RFX7: variants seen among roughly 807,000 people sequenced by gnomAD.
The protein encoded by RFX7 is DNA-binding protein RFX7.
A neutral mutation model predicts 111.8 loss-of-function variants in RFX7; 26 were observed. The ratio of observed to expected loss-of-function variants is 0.23; its 90% CI spans 0.17 to 0.32. RFX7 has a LOEUF of 0.32. Ranked by LOEUF, RFX7 falls within the 10% of genes least tolerant of loss-of-function variation. The probability of loss-of-function intolerance (pLI) is 1.00; values close to 1 mark genes in which losing one functional copy is unlikely to be tolerated. For missense variants in RFX7, 1,573 were observed against 1,772.9 expected (o/e 0.89, Z 2.02); for synonymous variants, 624 against 624.4 (o/e 1.00, Z 0.01).
chr15:56,110,139 T>A (rs1217095850), intron 5 of RFX7, among the ~76,000 whole-genome samples: 1 of 111,620 alleles, frequency 9.0e-6, no homozygotes, highest in Non-Finnish European at 1.8e-5. Context: ...GGGAGGGAGG[T>A]GGGGGGGTCA....
At chr15:56,179,758 C>T (rs1790576777) in intron 2 of RFX7, among the ~76,000 whole-genome samples, 1 of 126,836 alleles carries the variant, frequency 7.9e-6, no homozygotes, top group Non-Finnish European at 1.6e-5. Context: ...CTCTCTCTGT[C>T]TCAACACACA....
intron 2 of RFX7, among the ~76,000 whole-genome samples, chr15:56,180,734 CA>C (rs1286452286): frequency 1.5e-5 from 2 of 134,438 alleles, no homozygotes; most frequent in African/African-American, 2.9e-5. Flanking sequence ...GGTAAAACCC[CA>C]TATCTACTAA....
At chr15:56,205,030 T>C (rs2043236298) in intron 2 of RFX7, among the ~76,000 whole-genome samples, 1 of 152,154 alleles carries the variant, frequency 6.6e-6, no homozygotes, top group Admixed American at 6.5e-5. Context: ...AAGAAGAGTA[T>C]TTTCCCCTAA....
At position 56,153,854 on chromosome 15, in the gene RFX7, C is replaced by G. The variant is rs527743048; in HGVS notation, c.196-9371G>C. Reference sequence around the variant, plus strand: ...ATAGGAAGAGAGGAAGTCAAATTGTCTCTGTTTGCAGATGACATGATTGTA... The same window carrying G: ...ATAGGAAGAGAGGAAGTCAAATTGTGTCTGTTTGCAGATGACATGATTGTA... On this transcript the variant is annotated intron_variant, in intron 3 of 9. Transcript: ENST00000559447. 9.8e-5 allele frequency among the ~76,000 whole-genome samples: 15 copies of G among 152,296 alleles called. 1 individual carries two copies. The highest frequency in any genetic ancestry group is 3.4e-4 in the African/African-American group (14 of 41,552).
chr15:56,225,360 T>C (rs2043470954), intron 2 of RFX7, among the ~76,000 whole-genome samples: 1 of 152,182 alleles, frequency 6.6e-6, no homozygotes, highest in Non-Finnish European at 1.5e-5. Context: ...TTACAGTCCC[T>C]CATGGGTCAT....
chr15:56,232,202 G>A (rs1234350248), intron 2 of RFX7, among the ~76,000 whole-genome samples: 1 of 152,158 alleles, frequency 6.6e-6, no homozygotes, highest in Admixed American at 6.5e-5. Flanking sequence ...CTCTGTGTAG[G>A]GGCTTCAACC....
chr15:56,125,610 A>AGTGT (rs10564650), intron 5 of RFX7, among the ~76,000 whole-genome samples: 15,350 of 146,926 alleles, frequency 0.1, 973 homozygotes, highest in Middle Eastern at 0.21. Flanking sequence ...TGTGTGTGTG[A>AGTGT]GTGTGTGTGT....
chr15:56,223,781 A>G (rs548376906), intron 2 of RFX7, among the ~76,000 whole-genome samples: 1 of 152,272 alleles, frequency 6.6e-6, no homozygotes, highest in South Asian at 2.1e-4. Flanking sequence ...ACCTCAGTTT[A>G]CTTTATACTT....
At chr15:56,144,906 T>C (rs982226890) in intron 3 of RFX7, among the ~76,000 whole-genome samples, 2 of 152,202 alleles carry the variant, frequency 1.3e-5, no homozygotes, top group African/African-American at 4.8e-5. Context: ...TGTAGAACTA[T>C]AAAATGAATG....
At chr15:56,115,942 CAAAA>C (rs35440094) in intron 5 of RFX7, among the ~76,000 whole-genome samples, 1 of 99,982 alleles carries the variant, frequency 1.0e-5, no homozygotes, top group Non-Finnish European at 2.1e-5. Context: ...GACTCCGTCT[CAAAA>C]AAAAAAAAAA....
At position 56,087,491 on chromosome 15, in the gene RFX7, G is replaced by C; in HGVS notation, c.*5854C>G. On this transcript the variant is annotated 3_prime_UTR_variant, in exon 10 of 10. Transcript: ENST00000559447. Reference sequence around the variant, plus strand: ...CATCACATTTGCATTCCAGCCAGCAGAGAGGAAGGACAAGAACACTGCAAA... The same window carrying C: ...CATCACATTTGCATTCCAGCCAGCACAGAGGAAGGACAAGAACACTGCAAA... 2.2e-6 allele frequency: 1 copy of C among 456,692 alleles called. No individual in the cohort carries two copies. The highest frequency in any genetic ancestry group is 4.4e-6 in the Non-Finnish European group (1 of 226,960). 28.3% of individuals were successfully genotyped at this position (456,692 alleles called of 1,614,324 possible).
At chr15:56,200,379 T>C (rs2043182849) in intron 2 of RFX7, among the ~76,000 whole-genome samples, 1 of 152,140 alleles carries the variant, frequency 6.6e-6, no homozygotes, top group South Asian at 2.1e-4. Context: ...TTTTATAACA[T>C]ATAAAACATT....
intron 2 of RFX7, among the ~76,000 whole-genome samples, chr15:56,213,947 T>G (rs1290305951): frequency 6.6e-6 from 1 of 152,206 alleles, no homozygotes; most frequent in Non-Finnish European, 1.5e-5. Flanking sequence ...AGGGGTAAAC[T>G]TGGATCCATT....
chr15:56,101,476 T>C lies in RFX7; in HGVS notation c.694A>G (p.Lys232Glu). 6.2e-7 allele frequency: 1 copy of C among 1,613,762 alleles called. No homozygotes were observed. ...ACRLVCEWAQ[K>E]VLSQPFDTVL... is the part of the protein sequence containing the mutation. The stretch of plus-strand genomic sequence containing the variant: ...GTGTCAAATGGTTGGCTTAACACTT[T>C]CTGGGCCCACTCACACACAAGACGG... Residue 232 changes from lysine (K) to glutamate (E), a missense_variant, in exon 8 of 10, where the codon AAA becomes GAA. Physicochemically the swap from Lys to Glu is moderately conservative, Grantham distance 56. Around this residue, in one of 7 missense-constraint regions of RFX7, gnomAD observed 288 missense variants for 337.9 expected, o/e 0.85. Transcript: ENST00000559447.
chr15:56,208,213 T>C (rs2043275072), intron 2 of RFX7, among the ~76,000 whole-genome samples: 1 of 152,108 alleles, frequency 6.6e-6, no homozygotes, highest in African/African-American at 2.4e-5. Context: ...AACGCTACCC[T>C]CAGGAGAAAT....
intron 6 of RFX7, among the ~76,000 whole-genome samples, chr15:56,102,944 A>T (rs2041777005): frequency 6.6e-6 from 1 of 152,180 alleles, no homozygotes; most frequent in Admixed American, 6.5e-5. Flanking sequence ...ATCTTCTTCT[A>T]AGAGGAGAAA....
chr15:56,180,906 G>C (rs1485199438), intron 2 of RFX7, among the ~76,000 whole-genome samples: 1 of 152,126 alleles, frequency 6.6e-6, no homozygotes, highest in African/African-American at 2.4e-5. Flanking sequence ...AACAGAGCAA[G>C]ACTCCGTCTC....
At chr15:56,107,214 G>A (rs375602888) in intron 5 of RFX7, among the ~76,000 whole-genome samples, 61 of 136,316 alleles carry the variant, frequency 4.5e-4, no homozygotes, top group African/African-American at 1.5e-3. Flanking sequence ...GGAGAATGGC[G>A]TGAACCCAGG....
At chr15:56,126,984 T>C (rs1279525103) in intron 5 of RFX7, among the ~76,000 whole-genome samples, 2 of 152,146 alleles carry the variant, frequency 1.3e-5, no homozygotes, top group African/African-American at 4.8e-5. Flanking sequence ...GATGACTTGA[T>C]CAACACTATA....
Sources: gnomAD v4.1 joint callset for allele counts (sites outside exome capture counted in the v4.1 genomes callset) on GRCh38, gnomAD v4.1.1 for gene constraint, gnomAD v4.1.1 regional missense constraint, MANE v1.5 for transcripts, NCBI Gene and HGNC (gene_info 2026-07-23, HGNC 2026-07-21) for gene names.